The following FGFR2 variants were observed in gnomAD, a reference collection of about 807,000 sequenced individuals.
The protein encoded by FGFR2 is fibroblast growth factor receptor 2, also known as BEK fibroblast growth factor receptor.
In FGFR2, 19 loss-of-function variants were observed where a neutral mutation model predicts 95.9. The ratio of observed to expected loss-of-function variants is 0.20; its 90% confidence interval spans 0.14 to 0.29. The LOEUF (loss-of-function observed/expected upper bound fraction) is 0.29. FGFR2 is among the 10% of genes least tolerant of loss of function. The pLI is 1.00. For missense variants in FGFR2, 707 were observed against 1,056.9 expected (o/e 0.67, Z 4.59); for synonymous variants, 392 against 393.3 (o/e 1.00, Z 0.04).
rs1863737672 is a variant in FGFR2 at position 121,598,286 on chromosome 10, G to A, written c.-475C>T. On this transcript the variant is annotated 5_prime_UTR_variant, in exon 1 of 18. Transcript: ENST00000358487. ...CAAGCTGCGGCCTCGGGGCCCCCGG[G>A]GCTCGCGGCCGGCCCCCGCCAGCCC... 5.3e-6 allele frequency: 2 copies of A among 378,758 alleles called. No individual in the cohort carries two copies. Among genetic ancestry groups the A allele is most frequent in the South Asian group, 1.3e-4 (1 of 7,632 alleles). The allele number at this position is 378,758 out of a possible 1,614,324, so 23.5% of individuals were successfully genotyped here. A position where few individuals can be genotyped will look rare whatever the true frequency, so the allele number is the denominator to read the frequency against.
chr10:121,582,425 C>T (rs1322113602), intron 2 of FGFR2, among the ~76,000 whole-genome samples: 1 of 152,162 alleles, frequency 6.6e-6, no homozygotes, highest in Non-Finnish European at 1.5e-5. Context: ...TACCATCTTG[C>T]CTCTGCCAAG....
At chr10:121,509,228 G>A (rs1181135704) in intron 9 of FGFR2, among the ~76,000 whole-genome samples, 3 of 151,770 alleles carry the variant, frequency 2.0e-5, no homozygotes, top group African/African-American at 7.3e-5. Flanking sequence ...CAATCAACAC[G>A]AACACTCTAG....
rs1863719365 is a variant in FGFR2, at chr10:121,598,131, G to A, written c.-320C>T. The A allele has an allele frequency of 2.5e-6, 1 of 398,312 alleles. No individual in the cohort carries two copies. Among genetic ancestry groups the A allele is most frequent in the Non-Finnish European group, 4.4e-6 (1 of 225,934 alleles). The allele number at this position is 398,312 out of a possible 1,614,324, so 24.7% of individuals were successfully genotyped here. ...CCGGGCTTCACGCGTACCCCAGGCT[G>A]CGGAGGAGCGCGGGCATGACGCCCG... is the stretch of plus-strand genomic sequence containing the variant. On this transcript the variant is annotated 5_prime_UTR_variant, in exon 1 of 18. Transcript: ENST00000358487.
intron 2 of FGFR2, among the ~76,000 whole-genome samples, chr10:121,572,872 C>T (rs529447728): frequency 1.3e-5 from 2 of 152,308 alleles, no homozygotes; most frequent in South Asian, 4.1e-4. Flanking sequence ...ATGAATTTAC[C>T]TCTCTATAAG....
chr10:121,494,309 T>C (rs1488348558), intron 13 of FGFR2, among the ~76,000 whole-genome samples: 2 of 152,192 alleles, frequency 1.3e-5, no homozygotes, highest in African/African-American at 2.4e-5. Flanking sequence ...CCATGGTTCT[T>C]GCCCCAGGAG....
chr10:121,566,908 C>T (rs1241392165), intron 2 of FGFR2, among the ~76,000 whole-genome samples: 1 of 152,120 alleles, frequency 6.6e-6, no homozygotes, highest in Non-Finnish European at 1.5e-5. Context: ...AACCTCTCCA[C>T]TGGAGTTGAG....
chr10:121,519,912 G>T (rs2134304325), intron 7 of FGFR2, 67 bp downstream of exon 7: 1 of 1,490,290 alleles, frequency 6.7e-7, no homozygotes, highest in Non-Finnish European at 9.4e-7. Flanking sequence ...GGAAATCAAA[G>T]AACCTGTGGC....
chr10:121,486,192 G>A (rs1845378455), intron 15 of FGFR2, among the ~76,000 whole-genome samples: 1 of 152,172 alleles, frequency 6.6e-6, no homozygotes, highest in Non-Finnish European at 1.5e-5. Context: ...GAGAGAGCCA[G>A]GTTTAGCTAC....
intron 5 of FGFR2, among the ~76,000 whole-genome samples, chr10:121,548,244 CCTTTTTTTTTTTT>C (rs1404315812): frequency 8.1e-5 from 3 of 36,880 alleles, no homozygotes; most frequent in Admixed American, 3.8e-4. Flanking sequence ...CCGCTTTTGG[CCTTTTTTTTTTTT>C]TTTTTTTTTT....
intron 5 of FGFR2, among the ~76,000 whole-genome samples, chr10:121,540,867 C>T (rs1853637505): frequency 6.6e-6 from 1 of 152,162 alleles, no homozygotes; most frequent in Admixed American, 6.5e-5. Context: ...TGCCTGGATC[C>T]AGATTTGGCA....
At chr10:121,574,977 T>G (rs1037311080) in intron 2 of FGFR2, among the ~76,000 whole-genome samples, 1 of 152,236 alleles carries the variant, frequency 6.6e-6, no homozygotes, top group Non-Finnish European at 1.5e-5. Context: ...GAAACCTCCC[T>G]GGTCGCTAAC....
At chr10:121,499,536 G>A (rs1589764101) in intron 11 of FGFR2, among the ~76,000 whole-genome samples, 1 of 152,354 alleles carries the variant, frequency 6.6e-6, no homozygotes, top group East Asian at 1.9e-4. Context: ...ACAATGGCTT[G>A]GGGACTAATA....
At chr10:121,526,391 A>G (rs1451010583) in intron 6 of FGFR2, among the ~76,000 whole-genome samples, 1 of 152,218 alleles carries the variant, frequency 6.6e-6, no homozygotes, top group Non-Finnish European at 1.5e-5. Flanking sequence ...CTGAAGTCTG[A>G]GGAGCCCAGA....
At chr10:121,499,490 G>A (rs554239311) in intron 11 of FGFR2, among the ~76,000 whole-genome samples, 1 of 152,236 alleles carries the variant, frequency 6.6e-6, no homozygotes, top group Non-Finnish European at 1.5e-5. Context: ...GAGGAGGGAG[G>A]GAGACACAGC....
chr10:121,509,429 T>C (rs981321228), intron 9 of FGFR2, among the ~76,000 whole-genome samples: 11 of 151,652 alleles, frequency 7.3e-5, no homozygotes, highest in African/African-American at 2.2e-4. Context: ...GTGTTTTTTT[T>C]TTTTCCTTTC....
intron 5 of FGFR2, among the ~76,000 whole-genome samples, chr10:121,547,035 A>G (rs926396842): frequency 6.6e-6 from 1 of 152,092 alleles, no homozygotes; most frequent in Admixed American, 6.6e-5. Context: ...GACCAGCATG[A>G]CCAACATGGT....
At chr10:121,503,707 G>T (rs2134049608) in intron 10 of FGFR2, 83 bp downstream of exon 10, 1 of 1,494,252 alleles carries the variant, frequency 6.7e-7, no homozygotes, top group Non-Finnish European at 9.3e-7. Flanking sequence ...TGTGGCTAAG[G>T]GTCATAAAAA....
intron 13 of FGFR2, among the ~76,000 whole-genome samples, chr10:121,490,739 G>A (rs1846028942): frequency 6.6e-6 from 1 of 152,076 alleles, no homozygotes; most frequent in Non-Finnish European, 1.5e-5. Flanking sequence ...TCCACGAAAT[G>A]GACAATTAAA....
chr10:121,569,985 G>T (rs1316207191), intron 2 of FGFR2, among the ~76,000 whole-genome samples: 1 of 152,244 alleles, frequency 6.6e-6, no homozygotes. Flanking sequence ...GAGGATGTAA[G>T]TAAGAAGAGA....
Sources: allele counts gnomAD v4.1 joint callset (sites outside exome capture counted in the v4.1 genomes callset), GRCh38; gene constraint gnomAD v4.1.1; transcripts MANE v1.5; gene names NCBI Gene and HGNC (gene_info 2026-07-23, HGNC 2026-07-21).